Variants in CNOT6 observed in about 807,000 individuals in gnomAD.
CNOT6 encodes carbon catabolite repression 4 protein.
In CNOT6, 12 loss-of-function variants were observed where a neutral mutation model predicts 61.2. That is an observed-to-expected ratio of 0.20 (90% confidence interval 0.13 to 0.32). CNOT6 has a LOEUF of 0.32. CNOT6 is among the 10% of genes least tolerant of loss of function. CNOT6 has a pLI of 1.00. For missense variants in CNOT6, 405 were observed against 663.9 expected, an observed-to-expected ratio of 0.61 and a Z score of 4.28; for synonymous variants, 225 against 240.6, an observed-to-expected ratio of 0.94 and a Z score of 0.60.
chr5:180,534,728 C>T (rs1581515364), intron 2 of CNOT6: 3 of 24,076 alleles, frequency 1.2e-4, no homozygotes, highest in East Asian at 1.1e-3. Flanking sequence ...GAGAGGCCCT[C>T]GGAATCCACC....
At chr5:180,543,189 G>A (rs973313258) in intron 2 of CNOT6, among the ~76,000 whole-genome samples, 5 of 152,102 alleles carry the variant, frequency 3.3e-5, no homozygotes. Flanking sequence ...CTCCCTAGTA[G>A]CTGGGACTAC....
intron 2 of CNOT6, among the ~76,000 whole-genome samples, chr5:180,543,845 C>G (rs547544687): frequency 1.3e-5 from 2 of 151,588 alleles, no homozygotes; most frequent in African/African-American, 4.8e-5. Flanking sequence ...GAGTCTTGCT[C>G]TGTTGCCCAG....
At chr5:180,551,086 G>A (rs1014052590) in intron 3 of CNOT6, among the ~76,000 whole-genome samples, 1 of 151,864 alleles carries the variant, frequency 6.6e-6, no homozygotes, top group African/African-American at 2.4e-5. Flanking sequence ...GTTCATGTCT[G>A]TAATCCCAGT....
At chr5:180,563,872 T>G (rs1760315178) in intron 4 of CNOT6, among the ~76,000 whole-genome samples, 1 of 152,226 alleles carries the variant, frequency 6.6e-6, no homozygotes, top group Non-Finnish European at 1.5e-5. Context: ...TAAATCATTG[T>G]TTTTGCTCTC....
In CNOT6 at chr5:180,525,442, G is replaced by A. The variant is rs73363232; in HGVS notation, c.-2-3833G>A. On this transcript the variant is annotated intron_variant, in intron 1 of 11. Transcript: ENST00000261951. Reference sequence around the variant, plus strand: ...TAGTCCCAACTACACGGGAGGCTGAGGGGAGGATGGCTTTTGAGCCTGGGA... The same window carrying A: ...TAGTCCCAACTACACGGGAGGCTGAAGGGAGGATGGCTTTTGAGCCTGGGA... 3.8e-3 allele frequency among the ~76,000 whole-genome samples: 582 copies of A among 152,146 alleles called. 2 individuals carry two copies. The highest frequency in any genetic ancestry group is 0.013 in the African/African-American group (557 of 41,502).
intron 11 of CNOT6, among the ~76,000 whole-genome samples, chr5:180,572,406 T>A (rs1760793113): frequency 6.6e-6 from 1 of 151,968 alleles, no homozygotes; most frequent in South Asian, 2.1e-4. Context: ...GCCAGGCTGG[T>A]CTTGAATACC....
At chr5:180,499,010 T>C (rs13189702) in intron 1 of CNOT6, among the ~76,000 whole-genome samples, 116,186 of 152,032 alleles carry the variant, frequency 0.76, 45,235 homozygotes, top group African/African-American at 0.89. Flanking sequence ...AGGCTGGCTT[T>C]AAACTCCTGA....
chr5:180,563,857 A>T (rs553797604), intron 4 of CNOT6, among the ~76,000 whole-genome samples: 5 of 152,200 alleles, frequency 3.3e-5, no homozygotes, highest in African/African-American at 9.6e-5. Context: ...TCTTGTAGGT[A>T]TATGTAAATC....
intron 2 of CNOT6, 111 bp downstream of exon 2, chr5:180,529,499 A>G: frequency 1.4e-6 from 1 of 691,224 alleles, no homozygotes; most frequent in South Asian, 1.7e-5. Flanking sequence ...TTACAAATGT[A>G]ATGTATTTAT....
intron 1 of CNOT6, among the ~76,000 whole-genome samples, chr5:180,497,784 CT>C (rs1273575976): frequency 6.6e-6 from 1 of 152,152 alleles, no homozygotes; most frequent in Non-Finnish European, 1.5e-5. Context: ...TGGCTCATGC[CT>C]TTAATCCCAG....
rs1367740234 is a variant in CNOT6 at position 180,498,099 on chromosome 5, G to A, written c.-3+3336G>A. ...TAAACATATACTGTATGCATAGCTG[G>A]GGTACATTAGAGTATAATGGAATGT... On this transcript the variant is annotated intron_variant, in intron 1 of 11. Transcript: ENST00000261951. Among the ~76,000 whole-genome samples the A allele has an allele frequency of 2.0e-5, 3 of 152,150 alleles. No individual in the cohort carries two copies. In the East Asian group the frequency reaches 5.8e-4, roughly 29 times the overall value.
intron 1 of CNOT6, among the ~76,000 whole-genome samples, chr5:180,508,367 A>C (rs933772779): frequency 3.3e-5 from 5 of 152,236 alleles, no homozygotes; most frequent in African/African-American, 1.2e-4. Context: ...GCTGGAGTGC[A>C]GTGACGCAAT....
intron 1 of CNOT6, among the ~76,000 whole-genome samples, chr5:180,509,166 C>G (rs928993110): frequency 6.6e-6 from 1 of 152,112 alleles, no homozygotes; most frequent in Non-Finnish European, 1.5e-5. Flanking sequence ...AGGTCTGGTT[C>G]TGTCACCCAG....
chr5:180,550,479 T>C (rs969686613), intron 3 of CNOT6, among the ~76,000 whole-genome samples: 7 of 152,162 alleles, frequency 4.6e-5, no homozygotes, highest in Non-Finnish European at 5.9e-5. Flanking sequence ...AAACATTTGT[T>C]GTGTTAGGAA....
At chr5:180,496,451 C>G (rs138472719) in intron 1 of CNOT6, among the ~76,000 whole-genome samples, 2 of 152,174 alleles carry the variant, frequency 1.3e-5, no homozygotes, top group Non-Finnish European at 2.9e-5. Flanking sequence ...GAGGTTTGTT[C>G]TTTTGGGAGG....
At chr5:180,549,605 C>T (rs935335705) in intron 2 of CNOT6, among the ~76,000 whole-genome samples, 2 of 151,638 alleles carry the variant, frequency 1.3e-5, no homozygotes, top group East Asian at 1.9e-4. Context: ...GCCCAGATCA[C>T]GCCACTGCAC....
intron 2 of CNOT6, among the ~76,000 whole-genome samples, chr5:180,536,407 T>C (rs1758702586): frequency 1.3e-5 from 2 of 152,288 alleles, no homozygotes; most frequent in Admixed American, 1.3e-4. Flanking sequence ...GTGTTAATTA[T>C]CATTATTATT....
At chr5:180,558,117 G>A (rs1759990211) in intron 4 of CNOT6, among the ~76,000 whole-genome samples, 1 of 152,206 alleles carries the variant, frequency 6.6e-6, no homozygotes, top group South Asian at 2.1e-4. Flanking sequence ...CCCCAGGAAG[G>A]AATCGGCTCT....
At chr5:180,508,553 A>T (rs946450493) in intron 1 of CNOT6, among the ~76,000 whole-genome samples, 4 of 152,008 alleles carry the variant, frequency 2.6e-5, no homozygotes, top group Admixed American at 1.3e-4. Context: ...CTTGTAATCC[A>T]CCTGCCTCAG....
Sources: gnomAD v4.1 joint callset for allele counts (sites outside exome capture counted in the v4.1 genomes callset) on GRCh38, gnomAD v4.1.1 for gene constraint, MANE v1.5 for transcripts, NCBI Gene and HGNC (gene_info 2026-07-23, HGNC 2026-07-21) for gene names.